CCDC171: variants seen among roughly 807,000 people sequenced by gnomAD.
CCDC171 encodes the protein coiled-coil domain containing 171.
CCDC171 carries 177 observed loss-of-function variants against 168.2 expected under a neutral mutation model. That is an observed-to-expected ratio of 1.05 (90% CI 0.93 to 1.19). The LOEUF is 1.19. CCDC171 is among the 50% of genes most tolerant of loss of function. CCDC171 has a pLI of 0.00. For synonymous variants in CCDC171, 687 were observed against 540.8 expected (o/e 1.27, Z -3.75); for missense variants, 1,991 against 1,539.0 (o/e 1.29, Z -4.91).
At chr9:16,010,818 A>G (rs1320393777) in intron 3 of CCDC171, among the ~76,000 whole-genome samples, 1 of 152,030 alleles carries the variant, frequency 6.6e-6, no homozygotes, top group African/African-American at 2.4e-5. Flanking sequence ...CAGTGGTATA[A>G]CATGGCATTG....
chr9:15,905,258 C>G (rs534371514), intron 24 of CCDC171, among the ~76,000 whole-genome samples: 1 of 152,146 alleles, frequency 6.6e-6, no homozygotes, highest in Non-Finnish European at 1.5e-5. Context: ...CCAAAATTGA[C>G]CACATAGTTG....
In CCDC171 at chr9:16,048,321, G is replaced by C. The variant is rs967898965; in HGVS notation, n.89+5435G>C. ...CATGGCAGTAGGGCTGGACAGGAAA[G>C]GTGCAGACTGATGGGCCTCTCTCTG... On this transcript the variant is annotated intron_variant and non_coding_transcript_variant, in intron 1 of 1. Coordinates refer to the CCDC171 transcript ENST00000478913. 3.3e-5 allele frequency among the ~76,000 whole-genome samples: 5 copies of C among 152,216 alleles called. No homozygotes were observed. In the East Asian group the frequency reaches 7.7e-4, roughly 23 times the overall value.
intron 7 of CCDC171, among the ~76,000 whole-genome samples, chr9:15,632,711 C>G (rs2045831531): frequency 6.6e-6 from 1 of 152,274 alleles, no homozygotes; most frequent in Non-Finnish European, 1.5e-5. Context: ...CCTGCATCGC[C>G]AAGTCAATCC....
At chr9:15,568,206 G>T (rs2039904997) in intron 2 of CCDC171, among the ~76,000 whole-genome samples, 1 of 149,712 alleles carries the variant, frequency 6.7e-6, no homozygotes, top group Non-Finnish European at 1.5e-5. Flanking sequence ...TTCTTTTCCA[G>T]TATGCATGCC....
chr9:15,700,795 A>G (rs1157736939), intron 11 of CCDC171, among the ~76,000 whole-genome samples: 10 of 151,674 alleles, frequency 6.6e-5, no homozygotes. Context: ...TTATTTTTAG[A>G]TTTTTTGAGA....
the CCDC171 span, among the ~76,000 whole-genome samples, chr9:16,087,679 T>G: frequency 1.3e-5 from 2 of 151,344 alleles, no homozygotes; most frequent in Non-Finnish European, 2.9e-5. Context: ...AGCACACTGA[T>G]GGGTCTTGAC....
intron 18 of CCDC171, among the ~76,000 whole-genome samples, chr9:15,772,685 A>T (rs2057076916): frequency 1.3e-5 from 2 of 152,206 alleles, no homozygotes; most frequent in African/African-American, 4.8e-5. Context: ...CCATTCTTAG[A>T]TGAGAAGAAA....
In CCDC171 at chr9:15,784,614, C is replaced by T. The variant is rs970150226; in HGVS notation, c.3187C>T (p.Leu1063=). 18 of 1,613,178 alleles carry T rather than the reference C, an allele frequency of 1.1e-5. No homozygotes were observed. The African/African-American group carries it at 2.1e-4, about 19-fold the overall frequency. The stretch of plus-strand genomic sequence containing the variant: ...GCTATTGAATGAACAGGCACAACAA[C>T]TACAGGAATTGAATTATAAACTTGA... ...QMLLNEQAQQ[L]QELNYKLELH... The change falls in exon 21 of 26, where the codon CTA becomes TTA. Residue 1063 remains leucine, a synonymous_variant. Transcript: ENST00000380701.
chr9:15,832,029 G>C (rs537297958), intron 21 of CCDC171, among the ~76,000 whole-genome samples: 1 of 151,482 alleles, frequency 6.6e-6, no homozygotes, highest in Non-Finnish European at 1.5e-5. Context: ...TGTTTGTTTT[G>C]GTAAAGAAGT....
At chr9:15,711,960 C>T (rs1475159170) in intron 11 of CCDC171, among the ~76,000 whole-genome samples, 1 of 152,146 alleles carries the variant, frequency 6.6e-6, no homozygotes, top group Admixed American at 6.5e-5. Flanking sequence ...CACCTGTATT[C>T]CAGGAGGGTC....
chr9:15,602,632 C>CTTTTTTTTTTTT (rs1050799184), intron 6 of CCDC171, among the ~76,000 whole-genome samples: 9 of 31,030 alleles, frequency 2.9e-4, no homozygotes, highest in African/African-American at 5.8e-4. Flanking sequence ...TTTCTCATTT[C>CTTTTTTTTTTTT]TTTTTTTTTT....
At chr9:15,709,893 C>A (rs2052529659) in intron 11 of CCDC171, among the ~76,000 whole-genome samples, 1 of 152,008 alleles carries the variant, frequency 6.6e-6, no homozygotes, top group Non-Finnish European at 1.5e-5. Context: ...AATAGTGTAA[C>A]AAAATCTGTT....
intron 21 of CCDC171, among the ~76,000 whole-genome samples, chr9:15,837,981 A>G (rs766137119): frequency 2.0e-5 from 3 of 152,028 alleles, no homozygotes; most frequent in Non-Finnish European, 2.9e-5. Flanking sequence ...AGTTCTCCTT[A>G]TAAAACAATT....
At chr9:15,950,828 T>G (rs1039385213) in intron 25 of CCDC171, among the ~76,000 whole-genome samples, 28 of 151,644 alleles carry the variant, frequency 1.8e-4, no homozygotes, top group African/African-American at 6.3e-4. Flanking sequence ...CACAGACTGG[T>G]AAATTGGATA....
chr9:15,950,886 G>A (rs1473780271), intron 25 of CCDC171, among the ~76,000 whole-genome samples: 1 of 151,130 alleles, frequency 6.6e-6, no homozygotes, highest in South Asian at 2.1e-4. Flanking sequence ...GCCATCTCAC[G>A]TGCAGAGACA....
chr9:16,056,402 T>C (rs1833841338), intron 1 of CCDC171, among the ~76,000 whole-genome samples: 1 of 152,250 alleles, frequency 6.6e-6, no homozygotes, highest in Non-Finnish European at 1.5e-5. Context: ...TTGTACTAAG[T>C]AATTGTTAAT....
chr9:15,629,004 G>A (rs2045436847), intron 7 of CCDC171, among the ~76,000 whole-genome samples: 1 of 152,080 alleles, frequency 6.6e-6, no homozygotes, highest in Admixed American at 6.5e-5. Context: ...CAAACAGAAA[G>A]GACATCCACA....
At chr9:15,663,885 C>T (rs779716192) in intron 8 of CCDC171, among the ~76,000 whole-genome samples, 5 of 152,082 alleles carry the variant, frequency 3.3e-5, no homozygotes, top group East Asian at 1.9e-4. Context: ...GGATTACATG[C>T]GTGAGCCACC....
downstream of CCDC171, among the ~76,000 whole-genome samples, chr9:16,062,749 A>T (rs1833947922): frequency 6.6e-6 from 1 of 152,212 alleles, no homozygotes; most frequent in South Asian, 2.1e-4. Context: ...TGACATGCAC[A>T]CAAATGACTG....
Sources: gnomAD v4.1 joint callset for allele counts (sites outside exome capture counted in the v4.1 genomes callset) on GRCh38, gnomAD v4.1.1 for gene constraint, MANE v1.5 for transcripts, NCBI Gene and HGNC (gene_info 2026-07-23, HGNC 2026-07-21) for gene names.